The following CCSER1 variants were observed in gnomAD, a reference collection of about 807,000 sequenced individuals.
CCSER1 encodes coiled-coil serine rich protein 1, also known as serine-rich coiled-coil domain-containing protein 1.
In CCSER1, 41 loss-of-function variants were observed where a neutral mutation model predicts 82.0. That is an observed-to-expected ratio of 0.50 (90% CI 0.39 to 0.65). The LOEUF (loss-of-function observed/expected upper bound fraction) is 0.65, where lower values mean the gene tolerates loss of function less well. CCSER1 is among the 30% of genes least tolerant of loss of function. CCSER1 has a pLI of 0.00. For missense variants in CCSER1, 1,119 were observed against 1,064.2 expected (o/e 1.05, Z -0.72); for synonymous variants, 414 against 383.9 (o/e 1.08, Z -0.92).
At chr4:91,165,653 C>T (rs1021400274) in intron 10 of CCSER1, among the ~76,000 whole-genome samples, 1 of 152,248 alleles carries the variant, frequency 6.6e-6, no homozygotes, top group Admixed American at 6.5e-5. Flanking sequence ...GCCCCTCCCC[C>T]TGCCAGGCTG....
chr4:91,243,191 C>T (rs546449662), intron 10 of CCSER1, among the ~76,000 whole-genome samples: 10 of 152,264 alleles, frequency 6.6e-5, no homozygotes, highest in South Asian at 6.2e-4. Flanking sequence ...AGCCAGTGCC[C>T]GCACCTGGAG....
rs113019074 is a variant in CCSER1, at chr4:91,035,723, C to G, written c.2173-50227C>G. Among the ~76,000 whole-genome samples the G allele has an allele frequency of 9.9e-4, 151 of 152,206 alleles. 1 individual carries two copies. Among genetic ancestry groups the G allele is most frequent in the African/African-American group, 3.4e-3 (142 of 41,544 alleles). ...TTTTGGGTTTTCTAAACAGCCAACTCAATGTTTATACTTGATCTTAGCCAA... is the reference window on the plus strand; with the variant it reads ...TTTTGGGTTTTCTAAACAGCCAACTGAATGTTTATACTTGATCTTAGCCAA... On this transcript the variant is annotated intron_variant, in intron 9 of 10. Transcript: ENST00000509176.
In CCSER1 at chr4:90,847,146, C is replaced by T. The variant is rs376869041; in HGVS notation, c.2094+31301C>T. 3.3e-5 allele frequency among the ~76,000 whole-genome samples: 5 copies of T among 152,160 alleles called. No homozygotes were observed. The East Asian group carries it at 7.7e-4, about 23-fold the overall frequency. On this transcript the variant is annotated intron_variant, in intron 8 of 10. Coordinates refer to ENST00000509176, the MANE Select transcript of CCSER1 (RefSeq NM_001145065.2). The stretch of plus-strand genomic sequence containing the variant: ...ATTCGTTTAATTATTAATGTATTAA[C>T]CAACACTTACTGAATGTTTATCTTA...
chr4:90,533,574 G>A (rs1774913270), intron 5 of CCSER1, among the ~76,000 whole-genome samples: 1 of 152,154 alleles, frequency 6.6e-6, no homozygotes, highest in African/African-American at 2.4e-5. Context: ...GTTTTTTAGA[G>A]CTCATAACGA....
At chr4:91,232,439 A>G (rs896865955) in intron 10 of CCSER1, among the ~76,000 whole-genome samples, 88 of 151,804 alleles carry the variant, frequency 5.8e-4, no homozygotes, top group African/African-American at 2.0e-3. Flanking sequence ...GAAACTATCC[A>G]TAAGATATAT....
intron 5 of CCSER1, among the ~76,000 whole-genome samples, chr4:90,508,446 G>T (rs1771020413): frequency 6.6e-6 from 1 of 151,756 alleles, no homozygotes; most frequent in South Asian, 2.1e-4. Flanking sequence ...CTCACATGAG[G>T]TTTCTTCCCC....
chr4:91,397,629 G>A (rs1752071775), intron 10 of CCSER1, among the ~76,000 whole-genome samples: 1 of 152,026 alleles, frequency 6.6e-6, no homozygotes, highest in South Asian at 2.1e-4. Context: ...CCTAGGTGAT[G>A]AGAAAACATT....
At chr4:91,093,297 C>T (rs541512670) in intron 10 of CCSER1, among the ~76,000 whole-genome samples, 1 of 152,346 alleles carries the variant, frequency 6.6e-6, no homozygotes, top group African/African-American at 2.4e-5. Flanking sequence ...TCTCGAAGAT[C>T]GAGTCTGCTA....
intron 9 of CCSER1, among the ~76,000 whole-genome samples, chr4:91,059,652 C>A (rs1057240644): frequency 6.6e-6 from 1 of 151,668 alleles, no homozygotes; most frequent in South Asian, 2.1e-4. Flanking sequence ...AACACCCTAG[C>A]GATCTGTAAT....
At chr4:90,179,185 G>A (rs981172153) in intron 1 of CCSER1, among the ~76,000 whole-genome samples, 6 of 152,064 alleles carry the variant, frequency 3.9e-5, no homozygotes, top group Admixed American at 3.9e-4. Context: ...TTCTTTGGTC[G>A]AAGAAAATAA....
At chr4:90,526,894 G>A (rs940682981) in intron 5 of CCSER1, among the ~76,000 whole-genome samples, 1 of 152,092 alleles carries the variant, frequency 6.6e-6, no homozygotes, top group East Asian at 1.9e-4. Context: ...CCCAGTAATG[G>A]GATTGCTGGG....
chr4:90,714,892 A>G (rs1023488177), intron 6 of CCSER1, among the ~76,000 whole-genome samples: 55 of 152,032 alleles, frequency 3.6e-4, no homozygotes, highest in African/African-American at 1.2e-3. Flanking sequence ...AAATAGTTGT[A>G]TTTTCTATAG....
At chr4:90,616,421 C>G (rs953994874) in intron 5 of CCSER1, among the ~76,000 whole-genome samples, 1 of 151,998 alleles carries the variant, frequency 6.6e-6, no homozygotes, top group Non-Finnish European at 1.5e-5. Context: ...TGGCTCACAC[C>G]TGTAATCCTA....
chr4:91,094,263 G>A (rs1724272168), intron 10 of CCSER1, among the ~76,000 whole-genome samples: 1 of 152,292 alleles, frequency 6.6e-6, no homozygotes, highest in South Asian at 2.1e-4. Flanking sequence ...CCCTGGGGAA[G>A]CCGAGTCCAA....
chr4:90,904,644 T>C (rs1170961861), intron 8 of CCSER1, among the ~76,000 whole-genome samples: 1 of 152,056 alleles, frequency 6.6e-6, no homozygotes, highest in Non-Finnish European at 1.5e-5. Context: ...GGAAAGTATG[T>C]ATGTGTGACG....
rs1342031577 is a variant in CCSER1, at chr4:91,363,995, T to C, written c.2218-234577T>C. 2.0e-5 allele frequency among the ~76,000 whole-genome samples: 3 copies of C among 148,470 alleles called. No homozygotes were observed. The East Asian group carries it at 5.8e-4, about 29-fold the overall frequency. Reference sequence around the variant, plus strand: ...TCCTTGATGTCTCAGCACATTTTGGTAAAGTATTGACATAATTTAACTCCA... The same window carrying C: ...TCCTTGATGTCTCAGCACATTTTGGCAAAGTATTGACATAATTTAACTCCA... On this transcript the variant is annotated intron_variant, in intron 10 of 10. Transcript: ENST00000509176.
At chr4:90,559,809 C>CAAAAA (rs1236087772) in intron 5 of CCSER1, among the ~76,000 whole-genome samples, 2,135 of 39,724 alleles carry the variant, frequency 0.054, 501 homozygotes, top group African/African-American at 0.16. Context: ...GACTCCGTCT[C>CAAAAA]AAAAAAAAAA....
intron 10 of CCSER1, among the ~76,000 whole-genome samples, chr4:91,252,101 G>A (rs1740302611): frequency 6.6e-6 from 1 of 152,144 alleles, no homozygotes; most frequent in African/African-American, 2.4e-5. Context: ...TATTACATAT[G>A]TGGGATCTTC....
At chr4:90,306,611 G>A (rs1057224399) in intron 1 of CCSER1, among the ~76,000 whole-genome samples, 2 of 152,082 alleles carry the variant, frequency 1.3e-5, no homozygotes, top group African/African-American at 2.4e-5. Context: ...ATATCTGAAA[G>A]CAAATATTTG....
Sources: gnomAD v4.1 joint callset for allele counts (sites outside exome capture counted in the v4.1 genomes callset) on GRCh38, gnomAD v4.1.1 for gene constraint, MANE v1.5 for transcripts, NCBI Gene and HGNC (gene_info 2026-07-23, HGNC 2026-07-21) for gene names.